Variants in WDR70 observed in about 807,000 individuals in gnomAD.
WDR70 encodes the protein WD repeat domain 70, also known as WD repeat-containing protein 70.
Under a neutral mutation model 88.6 loss-of-function variants are expected in WDR70, and 53 were observed. The ratio of observed to expected loss-of-function variants is 0.60; its 90% confidence interval spans 0.48 to 0.75. WDR70 has a LOEUF of 0.75. WDR70 is among the 30% of genes least tolerant of loss of function. WDR70 has a pLI of 0.00. For missense variants in WDR70, 610 were observed against 823.2 expected (o/e 0.74, Z 3.17); for synonymous variants, 280 against 270.0 (o/e 1.04, Z -0.36).
At chr5:37,457,993 A>G (rs1441350908) in intron 7 of WDR70, among the ~76,000 whole-genome samples, 3 of 140,402 alleles carry the variant, frequency 2.1e-5, no homozygotes, top group Non-Finnish European at 4.6e-5. Context: ...ATTTTGAAAT[A>G]CGTCCCATCA....
At position 37,743,248 on chromosome 5, in the gene WDR70, T is replaced by C. The variant is rs1215089778; in HGVS notation, c.1878-9238T>C. 3.3e-5 allele frequency among the ~76,000 whole-genome samples: 5 copies of C among 152,334 alleles called. No individual in the cohort carries two copies. In the East Asian group the frequency reaches 9.6e-4, roughly 29 times the overall value. On this transcript the variant is annotated intron_variant, in intron 17 of 17. Transcript: ENST00000265107. ...TAAGGGAGGCGGTGAGTGAACACGC[T>C]ATCCAGCTGGGGAAACTGCTTTTCC...
At chr5:37,643,761 A>T (rs1745163511) in intron 10 of WDR70, among the ~76,000 whole-genome samples, 1 of 151,894 alleles carries the variant, frequency 6.6e-6, no homozygotes, top group South Asian at 2.1e-4. Flanking sequence ...AAATGAAATT[A>T]CTTTGTAGAT....
In WDR70 at chr5:37,638,607, T is replaced by C. The variant is rs571650369; in HGVS notation, c.1092+33369T>C. On this transcript the variant is annotated intron_variant, in intron 10 of 17. Coordinates refer to ENST00000265107, the MANE Select transcript of WDR70 (RefSeq NM_018034.4). ...GTTTATATGTTTGTTTTCTGGTTGA[T>C]GTTAATATGTTAAGTTCTCAAACTC... is the stretch of plus-strand genomic sequence containing the variant. 7.9e-5 allele frequency among the ~76,000 whole-genome samples: 12 copies of C among 152,346 alleles called. No homozygotes were observed. In the South Asian group the frequency reaches 2.5e-3, roughly 32 times the overall value.
chr5:37,719,758 A>G (rs530373816), intron 13 of WDR70, among the ~76,000 whole-genome samples: 15 of 149,446 alleles, frequency 1.0e-4, no homozygotes, highest in Admixed American at 6.6e-4. Flanking sequence ...GCAGCCATTT[A>G]CCTATTTTTT....
At chr5:37,544,070 G>A (rs1741912741) in intron 9 of WDR70, among the ~76,000 whole-genome samples, 1 of 152,160 alleles carries the variant, frequency 6.6e-6, no homozygotes, top group African/African-American at 2.4e-5. Flanking sequence ...ACCACACCTG[G>A]TCTTAATCAG....
chr5:37,448,476 G>C (rs571007485), intron 7 of WDR70, among the ~76,000 whole-genome samples: 2 of 152,046 alleles, frequency 1.3e-5, no homozygotes, highest in South Asian at 2.1e-4. Flanking sequence ...ATATAGACGC[G>C]TATGTATTCA....
chr5:37,653,725 A>T (rs868323406), intron 10 of WDR70, among the ~76,000 whole-genome samples: 1 of 152,174 alleles, frequency 6.6e-6, no homozygotes, highest in African/African-American at 2.4e-5. Flanking sequence ...GTTTATTTGC[A>T]TAGAGGTGTT....
At chr5:37,624,374 A>G (rs1027780791) in intron 10 of WDR70, among the ~76,000 whole-genome samples, 4 of 152,162 alleles carry the variant, frequency 2.6e-5, no homozygotes, top group African/African-American at 9.7e-5. Context: ...GCAGGATTTC[A>G]TTCTCTTTTA....
chr5:37,433,849 A>ATT (rs1216135236), intron 5 of WDR70, among the ~76,000 whole-genome samples: 1 of 152,196 alleles, frequency 6.6e-6, no homozygotes, highest in East Asian at 1.9e-4. Context: ...TACCTGTCTT[A>ATT]TTTTGCTTTT....
intron 7 of WDR70, among the ~76,000 whole-genome samples, chr5:37,478,341 T>A (rs982997850): frequency 6.6e-6 from 1 of 152,228 alleles, no homozygotes; most frequent in Admixed American, 6.5e-5. Flanking sequence ...TACTGTGGCA[T>A]GTTAGGGACT....
chr5:37,467,864 G>A (rs1581308783), intron 7 of WDR70, among the ~76,000 whole-genome samples: 1 of 152,028 alleles, frequency 6.6e-6, no homozygotes, highest in Non-Finnish European at 1.5e-5. Flanking sequence ...ACAGGCGCCC[G>A]CCACCGCGCC....
chr5:37,618,288 C>T (rs2112499197), intron 10 of WDR70, among the ~76,000 whole-genome samples: 1 of 152,190 alleles, frequency 6.6e-6, no homozygotes, highest in African/African-American at 2.4e-5. Context: ...GATGTAATTT[C>T]ACTTTGTCAC....
chr5:37,710,509 C>A (rs1002768353), intron 13 of WDR70, among the ~76,000 whole-genome samples: 5 of 152,146 alleles, frequency 3.3e-5, no homozygotes, highest in Non-Finnish European at 7.3e-5. Flanking sequence ...GACAATATTT[C>A]CACAGACAGG....
At chr5:37,692,783 GCA>G in intron 10 of WDR70, among the ~76,000 whole-genome samples, 1 of 152,122 alleles carries the variant, frequency 6.6e-6, no homozygotes, top group South Asian at 2.1e-4. Context: ...AAAACTGGAA[GCA>G]TTCCCTTTGA....
At position 37,505,690 on chromosome 5, in the gene WDR70, A is replaced by T. The variant is rs997303931; in HGVS notation, c.841-10824A>T. 1.9e-5 allele frequency: 17 copies of T among 914,698 alleles called. No individual in the cohort carries two copies. The African/African-American group carries it at 2.4e-4, about 13-fold the overall frequency. The allele number at this position is 914,698 out of a possible 1,614,324, so 56.7% of individuals were successfully genotyped here. A position where few individuals can be genotyped will look rare whatever the true frequency, so the allele number is the denominator to read the frequency against. On this transcript the variant is annotated intron_variant, in intron 8 of 17. Transcript: ENST00000265107. ...TCTTCCTCTAGCCCCTAAAATTCTC[A>T]TCTGACATTTTGCGACATGTATAGT...
intron 10 of WDR70, among the ~76,000 whole-genome samples, chr5:37,610,672 T>C (rs1008506627): frequency 2.0e-5 from 3 of 152,118 alleles, no homozygotes; most frequent in Middle Eastern, 3.2e-3. Flanking sequence ...CTATAAGTAG[T>C]TTGTAAAAAA....
At chr5:37,656,893 T>C (rs1745570111) in intron 10 of WDR70, among the ~76,000 whole-genome samples, 1 of 152,032 alleles carries the variant, frequency 6.6e-6, no homozygotes, top group Admixed American at 6.5e-5. Flanking sequence ...TCCATGTGGG[T>C]GGGAAAATTT....
intron 9 of WDR70, among the ~76,000 whole-genome samples, chr5:37,521,466 G>T (rs1388435452): frequency 6.6e-6 from 1 of 152,032 alleles, no homozygotes; most frequent in Non-Finnish European, 1.5e-5. Context: ...GTACCCAATG[G>T]GTAGTCTTTT....
chr5:37,697,848 T>C, intron 11 of WDR70, 94 bp downstream of exon 11: 1 of 1,064,930 alleles, frequency 9.4e-7, no homozygotes, highest in South Asian at 1.9e-5. Flanking sequence ...TAGTAAAGCT[T>C]GCTTTGATTT....
Sources: gnomAD v4.1 joint callset for allele counts (sites outside exome capture counted in the v4.1 genomes callset) on GRCh38, gnomAD v4.1.1 for gene constraint, MANE v1.5 for transcripts, NCBI Gene and HGNC (gene_info 2026-07-23, HGNC 2026-07-21) for gene names.